KIAA0319L: variants seen among roughly 807,000 people sequenced by gnomAD.
KIAA0319L encodes KIAA0319 like, also known as dyslexia-associated protein KIAA0319-like protein.
KIAA0319L carries 55 observed loss-of-function variants against 120.1 expected under a neutral mutation model. The ratio of observed to expected loss-of-function variants is 0.46; its 90% CI spans 0.37 to 0.57. The LOEUF is 0.57. KIAA0319L is among the 20% of genes least tolerant of loss of function. KIAA0319L has a pLI of 0.00. For synonymous variants in KIAA0319L, 398 were observed against 471.9 expected (o/e 0.84, Z 2.03); for missense variants, 1,049 against 1,255.3 (o/e 0.84, Z 2.48).
intron 3 of KIAA0319L, among the ~76,000 whole-genome samples, chr1:35,503,558 A>C (rs1225300429): frequency 6.6e-6 from 1 of 152,202 alleles, no homozygotes; most frequent in Non-Finnish European, 1.5e-5. Context: ...AGTGAGTCTG[A>C]TGCATGCTAA....
At position 35,433,862 on chromosome 1, in the gene KIAA0319L, T is replaced by C. The variant is rs1259251943; in HGVS notation, c.*1032A>G. The C allele has an allele frequency of 6.6e-6, 1 of 152,428 alleles. No individual in the cohort carries two copies. The highest frequency in any genetic ancestry group is 1.9e-4 in the East Asian group (1 of 5,190). 9.4% of individuals were successfully genotyped at this position (152,428 alleles called of 1,614,324 possible). ...CAACATTCCAGTCCATCTGGGGCTA[T>C]CTCCTCTGGGGACAGGGAGCGGTGG... On this transcript the variant is annotated 3_prime_UTR_variant, in exon 21 of 21. Coordinates refer to ENST00000325722, the MANE Select transcript of KIAA0319L (RefSeq NM_024874.5).
chr1:35,480,123 C>A (rs1644103084), intron 3 of KIAA0319L, among the ~76,000 whole-genome samples: 1 of 151,688 alleles, frequency 6.6e-6, no homozygotes, highest in South Asian at 2.1e-4. Flanking sequence ...GTTTACTAGA[C>A]AAAAGGCAGA....
At chr1:35,537,360 T>C (rs1318444676) in intron 2 of KIAA0319L, among the ~76,000 whole-genome samples, 1 of 151,428 alleles carries the variant, frequency 6.6e-6, no homozygotes, top group Non-Finnish European at 1.5e-5. Context: ...ATTTTGTTTT[T>C]TGGGAAGGTT....
chr1:35,474,805 C>T lies in KIAA0319L; in HGVS notation c.1015G>A (p.Gly339Arg). ...NAYVLQEPPK[G>R]ETYTYDWQLI... ...TATCCAAATGTAAGGGGATGTTTAC[C>T]TTTAGGTGGTTCTTGGAGAACATAT... Residue 339 changes from glycine (G) to arginine (R), a missense_variant and splice_region_variant, in exon 5 of 21, where the codon GGA becomes AGA. Physicochemically the swap from Gly to Arg is moderately radical, Grantham distance 125. Coordinates refer to ENST00000325722, the MANE Select transcript of KIAA0319L (RefSeq NM_024874.5). The T allele has an allele frequency of 6.4e-7, 1 of 1,562,282 alleles. No individual in the cohort carries two copies. Among genetic ancestry groups the T allele is most frequent in the Non-Finnish European group, 8.8e-7 (1 of 1,133,948 alleles).
At chr1:35,494,752 A>T (rs1299524352) in intron 3 of KIAA0319L, among the ~76,000 whole-genome samples, 2 of 152,206 alleles carry the variant, frequency 1.3e-5, no homozygotes, top group Non-Finnish European at 2.9e-5. Flanking sequence ...TCAAGGCTGC[A>T]GTGGGCCAAG....
intron 3 of KIAA0319L, among the ~76,000 whole-genome samples, chr1:35,494,223 T>C (rs1379753165): frequency 6.6e-6 from 1 of 151,808 alleles, no homozygotes; most frequent in Admixed American, 6.6e-5. Flanking sequence ...CCGAGAAAGG[T>C]GGATCACGAG....
At chr1:35,519,735 C>T (rs1645832517) in intron 2 of KIAA0319L, among the ~76,000 whole-genome samples, 1 of 152,192 alleles carries the variant, frequency 6.6e-6, no homozygotes. Context: ...TTTGCTCTCT[C>T]TTTCTTCCCA....
intron 3 of KIAA0319L, 110 bp from the exon 4 acceptor site, chr1:35,479,322 T>A: frequency 2.4e-6 from 2 of 822,082 alleles, no homozygotes; most frequent in Non-Finnish European, 1.9e-6. Context: ...TGCAAAAATA[T>A]CAAAAATATT....
At chr1:35,469,593 T>C (rs947776526) in intron 6 of KIAA0319L, among the ~76,000 whole-genome samples, 7 of 151,654 alleles carry the variant, frequency 4.6e-5, no homozygotes, top group African/African-American at 1.7e-4. Context: ...TTGCTTCTTC[T>C]GCTTGAGGTA....
At chr1:35,553,909 T>C (rs1455859208) in intron 2 of KIAA0319L, among the ~76,000 whole-genome samples, 1 of 151,902 alleles carries the variant, frequency 6.6e-6, no homozygotes, top group African/African-American at 2.4e-5. Flanking sequence ...TGTAGATTCC[T>C]TTAGGAAAGG....
Position 35,442,312 on chromosome 1 carries a change from A to G in KIAA0319L, c.2804T>C (p.Ile935Thr). The stretch of plus-strand genomic sequence containing the variant: ...GGCAACAACAATGACAAAGGTAGCA[A>G]TGATAACATATAACACGCTCCACTC... ...NCEWSVLYVI[I>T]ATFVIVVALG... The change falls in exon 19 of 21, where the codon ATT becomes ACT. Residue 935 changes from isoleucine (I) to threonine (T), a missense_variant. By Grantham distance (89) the Ile-to-Thr change is moderately conservative. Transcript: ENST00000325722. 6.2e-7 allele frequency: 1 copy of G among 1,613,894 alleles called. No homozygotes were observed. Among genetic ancestry groups the G allele is most frequent in the Non-Finnish European group, 8.5e-7 (1 of 1,179,728 alleles).
chr1:35,512,916 C>A (rs1370675030), intron 2 of KIAA0319L, among the ~76,000 whole-genome samples: 2 of 146,666 alleles, frequency 1.4e-5, no homozygotes, highest in East Asian at 4.0e-4. Context: ...GATATTACTA[C>A]AGATTCAATA....
intron 2 of KIAA0319L, among the ~76,000 whole-genome samples, chr1:35,543,310 G>A (rs1646862578): frequency 6.6e-6 from 1 of 152,192 alleles, no homozygotes; most frequent in Admixed American, 6.5e-5. Context: ...CCTACAGTCT[G>A]AGGAGACTGA....
intron 3 of KIAA0319L, among the ~76,000 whole-genome samples, chr1:35,493,955 G>T (rs904896088): frequency 1.3e-5 from 2 of 152,074 alleles, no homozygotes; most frequent in Admixed American, 1.3e-4. Context: ...CTGTGCTCAT[G>T]GGTCTGAAAA....
At chr1:35,534,043 T>C (rs1052603757) in intron 2 of KIAA0319L, among the ~76,000 whole-genome samples, 3 of 152,260 alleles carry the variant, frequency 2.0e-5, no homozygotes, top group Non-Finnish European at 4.4e-5. Flanking sequence ...GTAATAACCA[T>C]TGCCCTCTCT....
intron 9 of KIAA0319L, among the ~76,000 whole-genome samples, chr1:35,457,322 G>A (rs757169094): frequency 1.3e-5 from 2 of 152,080 alleles, no homozygotes; most frequent in Non-Finnish European, 2.9e-5. Flanking sequence ...GCAGCAGGCT[G>A]TTTTCCCATC....
intron 2 of KIAA0319L, among the ~76,000 whole-genome samples, chr1:35,532,159 T>C (rs770161800): frequency 1.7e-4 from 25 of 151,508 alleles, no homozygotes; most frequent in East Asian, 3.9e-4. Flanking sequence ...AGGAGAATCA[T>C]TGAACACAGG....
intron 4 of KIAA0319L, among the ~76,000 whole-genome samples, chr1:35,476,209 A>T (rs1257163744): frequency 6.6e-6 from 1 of 152,212 alleles, no homozygotes; most frequent in Non-Finnish European, 1.5e-5. Flanking sequence ...ATTCTTTGTC[A>T]TGGAGGGAAA....
intron 7 of KIAA0319L, among the ~76,000 whole-genome samples, chr1:35,463,712 A>C (rs1643059045): frequency 1.3e-5 from 2 of 152,244 alleles, no homozygotes. Context: ...AGCATTGAGA[A>C]TTTATGCTGT....
Sources: gnomAD v4.1 joint callset for allele counts (sites outside exome capture counted in the v4.1 genomes callset) on GRCh38, gnomAD v4.1.1 for gene constraint, MANE v1.5 for transcripts, NCBI Gene and HGNC (gene_info 2026-07-23, HGNC 2026-07-21) for gene names.